The following LHPP variants were observed in gnomAD, a reference collection of about 807,000 sequenced individuals.
The protein encoded by LHPP is phospholysine phosphohistidine inorganic pyrophosphate phosphatase.
A neutral mutation model predicts 30.3 loss-of-function variants in LHPP; 24 were observed. That is an observed-to-expected ratio of 0.79 (90% CI 0.57 to 1.11). The LOEUF (loss-of-function observed/expected upper bound fraction) is 1.11. LHPP is among the 50% of genes most tolerant of loss of function. The pLI, the probability that LHPP is intolerant of heterozygous loss-of-function variation, is 0.00. For synonymous variants in LHPP, 150 were observed against 157.1 expected (o/e 0.95, Z 0.34); for missense variants, 356 against 367.2 (o/e 0.97, Z 0.25).
intron 6 of LHPP, among the ~76,000 whole-genome samples, chr10:124,568,955 C>T (rs34645195): frequency 0.48 from 72,469 of 151,196 alleles, 17,868 homozygotes; most frequent in South Asian, 0.67. Context: ...GTCCCCCCCA[C>T]GGCTCCCAGC....
chr10:124,542,165 T>G (rs1161074175), intron 6 of LHPP, among the ~76,000 whole-genome samples: 1 of 152,056 alleles, frequency 6.6e-6, no homozygotes, highest in East Asian at 1.9e-4. Context: ...GTCTGGGGTC[T>G]GGGGCTGGCG....
intron 6 of LHPP, among the ~76,000 whole-genome samples, chr10:124,606,588 G>A (rs949393282): frequency 2.0e-5 from 3 of 152,254 alleles, no homozygotes; most frequent in Non-Finnish European, 4.4e-5. Context: ...TCGTTTCAGA[G>A]TGGCCCCCAG....
rs1223816206 is a variant in LHPP at position 124,523,124 on chromosome 10, G to A, written c.716+5853G>A. On this transcript the variant is annotated intron_variant, in intron 6 of 6. Coordinates refer to ENST00000368842, the MANE Select transcript of LHPP (RefSeq NM_022126.4). This position sits in a 1 kb window ranked among gnomAD's most constrained non-coding sequence, Gnocchi z 4.2. Reference sequence around the variant, plus strand: ...GGTGCTGCTGTGTAAATAAAGCCGCGATGCGGAGCTCGCCTCTGGTCTTCT... The same window carrying A: ...GGTGCTGCTGTGTAAATAAAGCCGCAATGCGGAGCTCGCCTCTGGTCTTCT... Among the ~76,000 whole-genome samples the A allele has an allele frequency of 6.6e-6, 1 of 152,210 alleles. No individual in the cohort carries two copies. Among genetic ancestry groups the A allele is most frequent in the Non-Finnish European group, 1.5e-5 (1 of 68,030 alleles).
chr10:124,485,113 G>A (rs1273725041), intron 2 of LHPP, among the ~76,000 whole-genome samples: 2 of 152,052 alleles, frequency 1.3e-5, no homozygotes, highest in Admixed American at 6.6e-5. Context: ...AAGAAGTGGC[G>A]GGTGCTCCCT....
chr10:124,550,499 G>A (rs1948139052), intron 6 of LHPP, among the ~76,000 whole-genome samples: 1 of 152,226 alleles, frequency 6.6e-6, no homozygotes, highest in Non-Finnish European at 1.5e-5. Flanking sequence ...AAACGTGTGG[G>A]TGGGGGAGGG....
At chr10:124,603,124 G>A (rs1003188189) in intron 6 of LHPP, among the ~76,000 whole-genome samples, 3 of 152,212 alleles carry the variant, frequency 2.0e-5, no homozygotes, top group African/African-American at 7.2e-5. Flanking sequence ...CTCTTTGTAT[G>A]TAGTGCTGCC....
Position 124,596,758 on chromosome 10 carries a change from A to G in LHPP, c.717-16506A>G, listed in dbSNP as rs1948948109. Among the ~76,000 whole-genome samples the G allele has an allele frequency of 6.6e-6, 1 of 152,254 alleles. No individual in the cohort carries two copies. The highest frequency in any genetic ancestry group is 2.4e-5 in the African/African-American group (1 of 41,462). Reference sequence around the variant, plus strand: ...GCTTCCTAAGCAAACAGGCCAGGACAGAGGCTGCAGGTATAAGCCCTGCCC... The same window carrying G: ...GCTTCCTAAGCAAACAGGCCAGGACGGAGGCTGCAGGTATAAGCCCTGCCC... On this transcript the variant is annotated intron_variant, in intron 6 of 6. Transcript: ENST00000368842. This position sits in a 1 kb window ranked among gnomAD's most constrained non-coding sequence, Gnocchi z 4.6.
intron 6 of LHPP, among the ~76,000 whole-genome samples, chr10:124,611,198 G>A (rs1051559153): frequency 2.6e-5 from 4 of 151,994 alleles, no homozygotes; most frequent in Admixed American, 1.3e-4. Flanking sequence ...TGCTTGGAGC[G>A]GGTGCTGGCA....
At chr10:124,610,338 A>AGCGGGTGAGGGTGCGGGTGAGGGTGCTGG (rs1949156908) in intron 6 of LHPP, among the ~76,000 whole-genome samples, 6 of 26,084 alleles carry the variant, frequency 2.3e-4, no homozygotes, top group African/African-American at 4.8e-4. Flanking sequence ...GAGGGTGCTG[A>AGCGGGTGAGGGTGCGGGTGAGGGTGCTGG]TGGAGCGGGT....
intron 1 of LHPP, among the ~76,000 whole-genome samples, chr10:124,479,176 C>T (rs9422986): frequency 0.025 from 3,821 of 152,204 alleles, 146 homozygotes; most frequent in South Asian, 0.11. Context: ...GGGCCATGGT[C>T]TCAGAGGGGC....
chr10:124,562,453 G>C (rs1164424880), intron 6 of LHPP, among the ~76,000 whole-genome samples: 1 of 152,286 alleles, frequency 6.6e-6, no homozygotes, highest in East Asian at 1.9e-4. Context: ...AAGAGTCTGT[G>C]AACTTGAAGG....
chr10:124,586,712 G>A (rs940631581), intron 6 of LHPP, among the ~76,000 whole-genome samples: 3 of 152,180 alleles, frequency 2.0e-5, no homozygotes, highest in Admixed American at 6.5e-5. Flanking sequence ...AGGCCCCGAG[G>A]CGAGAAGGAC....
intron 6 of LHPP, among the ~76,000 whole-genome samples, chr10:124,597,171 C>T (rs909165622): frequency 2.0e-5 from 3 of 152,160 alleles, no homozygotes; most frequent in Admixed American, 1.3e-4. Context: ...ATTTTGGACT[C>T]GGACTTGGCC....
At chr10:124,598,659 ATCCC>A (rs1275141541) in intron 6 of LHPP, among the ~76,000 whole-genome samples, 1 of 126,374 alleles carries the variant, frequency 7.9e-6, no homozygotes, top group African/African-American at 3.0e-5. Context: ...CCATCCATCC[ATCCC>A]TATCCACCTG....
At chr10:124,485,944 C>T (rs1429089310) in intron 2 of LHPP, among the ~76,000 whole-genome samples, 2 of 151,984 alleles carry the variant, frequency 1.3e-5, no homozygotes, top group Non-Finnish European at 2.9e-5. Flanking sequence ...TTGTCAATGA[C>T]ATTTTTTGAT....
intron 6 of LHPP, among the ~76,000 whole-genome samples, chr10:124,535,184 A>G (rs914880892): frequency 4.6e-5 from 7 of 152,182 alleles, no homozygotes; most frequent in African/African-American, 1.7e-4. Context: ...TCCACCAGAA[A>G]TTGTTCCATG....
At chr10:124,607,620 C>T (rs1295156084) in intron 6 of LHPP, among the ~76,000 whole-genome samples, 3 of 152,136 alleles carry the variant, frequency 2.0e-5, no homozygotes, top group African/African-American at 7.2e-5. Flanking sequence ...GTTGCTTTTG[C>T]CTGGACAATA....
chr10:124,517,057 A>T lies in LHPP; in HGVS notation c.625-123A>T. On this transcript the variant is annotated intron_variant, in intron 5 of 6. Coordinates refer to ENST00000368842, the MANE Select transcript of LHPP (RefSeq NM_022126.4). This position sits in a 1 kb window ranked among gnomAD's most constrained non-coding sequence, Gnocchi z 4.1. ...ATACGATGACAATATTATCTTGTTTAATTTGTATGATGGTGGTTGTAAACA... is the reference window on the plus strand; with the variant it reads ...ATACGATGACAATATTATCTTGTTTTATTTGTATGATGGTGGTTGTAAACA... The T allele has an allele frequency of 3.2e-6, 2 of 625,098 alleles. No individual in the cohort carries two copies. Among genetic ancestry groups the T allele is most frequent in the Non-Finnish European group, 5.5e-6 (2 of 366,014 alleles). The allele number at this position is 625,098 out of a possible 1,614,324, so 38.7% of individuals were successfully genotyped here.
intron 6 of LHPP, among the ~76,000 whole-genome samples, chr10:124,568,106 G>A (rs1248409854): frequency 7.9e-5 from 12 of 152,128 alleles, no homozygotes; most frequent in Admixed American, 7.9e-4. Flanking sequence ...AGTAGAGACG[G>A]GGTTTCACCG....
Sources: allele counts gnomAD v4.1 joint callset (sites outside exome capture counted in the v4.1 genomes callset), GRCh38; gene constraint gnomAD v4.1.1; non-coding constraint Gnocchi (gnomAD v3.1); transcripts MANE v1.5; gene names NCBI Gene and HGNC (gene_info 2026-07-23, HGNC 2026-07-21).